SIPA1L3: variants seen among roughly 807,000 people sequenced by gnomAD.
The protein encoded by SIPA1L3 is signal induced proliferation associated 1 like 3.
SIPA1L3 carries 59 observed loss-of-function variants against 150.1 expected under a neutral mutation model. That is an observed-to-expected ratio of 0.39 (90% CI 0.32 to 0.49). The LOEUF (loss-of-function observed/expected upper bound fraction) is 0.49. Ranked by LOEUF, SIPA1L3 falls within the 20% of genes least tolerant of loss-of-function variation. The pLI is 0.86. For synonymous variants in SIPA1L3, 1,070 were observed against 1,077.6 expected, an observed-to-expected ratio of 0.99 and a Z score of 0.14; for missense variants, 2,211 against 2,489.5, an observed-to-expected ratio of 0.89 and a Z score of 2.38.
intron 16 of SIPA1L3, among the ~76,000 whole-genome samples, chr19:38,191,079 T>C (rs1338186360): frequency 6.6e-6 from 1 of 152,166 alleles, no homozygotes; most frequent in African/African-American, 2.4e-5. Flanking sequence ...GGGATACCAA[T>C]AGTCTTTAAC....
chr19:37,918,045 G>T lies in SIPA1L3; in HGVS notation c.-379+10687G>T, dbSNP rs1279159280. 2.0e-5 allele frequency among the ~76,000 whole-genome samples: 3 copies of T among 151,924 alleles called. No individual in the cohort carries two copies. In the East Asian group the frequency reaches 5.8e-4, roughly 30 times the overall value. On this transcript the variant is annotated intron_variant, in intron 1 of 21. Transcript: ENST00000222345. ...CCCAGTTTGTCAGCATTAATCTCTG[G>T]GTTTACATTGGTGTCGGTGTGCTGG...
chr19:37,953,257 C>G (rs2046780613), intron 1 of SIPA1L3, among the ~76,000 whole-genome samples: 1 of 152,256 alleles, frequency 6.6e-6, no homozygotes, highest in East Asian at 1.9e-4. Flanking sequence ...AAAAAACATT[C>G]CTTTCCTGCC....
chr19:38,052,915 C>G (rs1969230244), intron 2 of SIPA1L3, among the ~76,000 whole-genome samples: 1 of 152,248 alleles, frequency 6.6e-6, no homozygotes, highest in Admixed American at 6.5e-5. Flanking sequence ...TAAGGAAAGC[C>G]CTCCTGAGGA....
chr19:38,031,904 C>G (rs1458633579), intron 2 of SIPA1L3, among the ~76,000 whole-genome samples: 1 of 152,154 alleles, frequency 6.6e-6, no homozygotes, highest in African/African-American at 2.4e-5. Context: ...GAGCTGAGAT[C>G]GTGCCACTGC....
At chr19:37,924,603 G>T (rs1351996546) in intron 1 of SIPA1L3, among the ~76,000 whole-genome samples, 1 of 150,408 alleles carries the variant, frequency 6.6e-6, no homozygotes, top group African/African-American at 2.5e-5. Flanking sequence ...GCTTGAATCC[G>T]GGAGGCAGAG....
At chr19:37,941,114 A>ACACACG (rs1464908711) in intron 1 of SIPA1L3, among the ~76,000 whole-genome samples, 1 of 149,402 alleles carries the variant, frequency 6.7e-6, no homozygotes, top group East Asian at 1.9e-4. Context: ...ACACACACAC[A>ACACACG]CACACACACT....
chr19:38,187,102 G>C lies in SIPA1L3; in HGVS notation c.4430+4362G>C, dbSNP rs183384979. Reference sequence around the variant, plus strand: ...GGCCGAGGCGGGGGAATTACTTGAGGCTGGGAGTTGGAAGCCAGCCTGGGC... The same window carrying C: ...GGCCGAGGCGGGGGAATTACTTGAGCCTGGGAGTTGGAAGCCAGCCTGGGC... On this transcript the variant is annotated intron_variant, in intron 16 of 21. Transcript: ENST00000222345. 8.3e-4 allele frequency among the ~76,000 whole-genome samples: 126 copies of C among 151,184 alleles called. 2 individuals are homozygous for C. The highest frequency in any genetic ancestry group is 2.9e-3 in the African/African-American group (120 of 41,098).
chr19:38,096,469 G>A (rs976187440), intron 4 of SIPA1L3, among the ~76,000 whole-genome samples: 2 of 152,024 alleles, frequency 1.3e-5, no homozygotes, highest in African/African-American at 2.4e-5. Flanking sequence ...GGCTGGTCTC[G>A]AACTCCTGAC....
Position 38,119,644 on chromosome 19 carries a change from C to T in SIPA1L3, c.2630C>T (p.Ala877Val). The change falls in exon 9 of 22, where the codon GCC becomes GTC. Residue 877 changes from alanine to valine, a missense_variant. Around this residue, in one of 5 missense-constraint regions of SIPA1L3, gnomAD observed 625 missense variants for 804.2 expected, o/e 0.78. Coordinates refer to ENST00000222345, the MANE Select transcript of SIPA1L3 (RefSeq NM_015073.3). ...SAGAIAWRVVAQDYAQGVEID... is the reference protein window; with the variant it reads ...SAGAIAWRVVVQDYAQGVEID... ...GGGGCCATCGCCTGGAGGGTGGTGG[C>T]CCAGGACTACGCCCAGGGGGTGGAA... 1.2e-6 allele frequency: 2 copies of T among 1,614,210 alleles called. No homozygotes were observed. Among genetic ancestry groups the T allele is most frequent in the South Asian group, 1.1e-5 (1 of 91,090 alleles).
intron 15 of SIPA1L3, among the ~76,000 whole-genome samples, chr19:38,179,213 G>A (rs775884387): frequency 1.3e-5 from 2 of 152,194 alleles, no homozygotes; most frequent in Non-Finnish European, 2.9e-5. Context: ...AGGCCCAGGC[G>A]GGCAGATCAC....
intron 10 of SIPA1L3, among the ~76,000 whole-genome samples, chr19:38,140,595 AG>A (rs1350438885): frequency 1.3e-5 from 2 of 152,158 alleles, no homozygotes; most frequent in African/African-American, 2.4e-5. Context: ...GGCCTGGGTC[AG>A]GTAGAAGCGA....
At chr19:38,143,315 C>T (rs377273736) in intron 12 of SIPA1L3, among the ~76,000 whole-genome samples, 6 of 152,130 alleles carry the variant, frequency 3.9e-5, no homozygotes, top group African/African-American at 1.2e-4. Flanking sequence ...TCAGGGGCAG[C>T]CACATCAATC....
chr19:37,981,011 G>C (rs1301648831), intron 1 of SIPA1L3, among the ~76,000 whole-genome samples: 1 of 152,180 alleles, frequency 6.6e-6, no homozygotes, highest in Non-Finnish European at 1.5e-5. Flanking sequence ...TTTGTTTGGA[G>C]GGTAATGCAT....
chr19:38,112,008 C>A (rs1970768488), intron 8 of SIPA1L3, among the ~76,000 whole-genome samples: 1 of 150,226 alleles, frequency 6.7e-6, no homozygotes, highest in Non-Finnish European at 1.5e-5. Flanking sequence ...CACACAGGCA[C>A]ACACATGCAC....
At chr19:38,056,866 G>A (rs1546800) in intron 2 of SIPA1L3, among the ~76,000 whole-genome samples, 20,873 of 151,870 alleles carry the variant, frequency 0.14, 1,535 homozygotes, top group South Asian at 0.23. Context: ...GAGACCGCCC[G>A]GAGCAACATA....
In SIPA1L3 at chr19:38,125,885, G is replaced by A. The variant is rs1368505368; in HGVS notation, c.2869-4613G>A. Among the ~76,000 whole-genome samples, 4 of 152,250 alleles carry A rather than the reference G, an allele frequency of 2.6e-5. 1 individual carries two copies. Among genetic ancestry groups the A allele is most frequent in the South Asian group, 4.2e-4 (2 of 4,812 alleles). ...CCTCTCTGGGACAGATATTAAACAC[G>A]CAATTCGGCCAAGCGCGGTGGCTCA... On this transcript the variant is annotated intron_variant, in intron 9 of 21. Transcript: ENST00000222345.
At chr19:37,936,221 C>T (rs921920791) in intron 1 of SIPA1L3, among the ~76,000 whole-genome samples, 2 of 152,096 alleles carry the variant, frequency 1.3e-5, no homozygotes, top group African/African-American at 2.4e-5. Flanking sequence ...GCAAGGACAT[C>T]TACAGTTTTT....
chr19:38,062,395 A>G (rs1377010807), intron 2 of SIPA1L3, among the ~76,000 whole-genome samples: 2 of 152,182 alleles, frequency 1.3e-5, no homozygotes, highest in African/African-American at 2.4e-5. Context: ...CAACAGGAAC[A>G]TGCTGCTCTG....
chr19:38,079,073 C>T (rs1361273038), intron 2 of SIPA1L3, among the ~76,000 whole-genome samples: 1 of 152,220 alleles, frequency 6.6e-6, no homozygotes, highest in Non-Finnish European at 1.5e-5. Flanking sequence ...TGGCTCACGC[C>T]TGTAATCCCA....
Sources: allele counts gnomAD v4.1 joint callset (sites outside exome capture counted in the v4.1 genomes callset), GRCh38; gene constraint gnomAD v4.1.1; regional missense constraint gnomAD v4.1.1; transcripts MANE v1.5; gene names NCBI Gene and HGNC (gene_info 2026-07-23, HGNC 2026-07-21).